SEL1L2: variants seen among roughly 807,000 people sequenced by gnomAD.
SEL1L2 encodes the protein SEL1L2 adaptor subunit of SYVN1 ubiquitin ligase, also known as protein sel-1 homolog 2.
A neutral mutation model predicts 98.8 loss-of-function variants in SEL1L2; 89 were observed. The ratio of observed to expected loss-of-function variants is 0.90; its 90% confidence interval spans 0.76 to 1.07. The LOEUF is 1.07. Among genes scored for constraint, SEL1L2 ranks in the 50% least tolerant of loss-of-function variants. The probability of loss-of-function intolerance (pLI) is 0.00; values close to 1 mark genes in which losing one functional copy is unlikely to be tolerated. For synonymous variants in SEL1L2, 262 were observed against 278.5 expected, an observed-to-expected ratio of 0.94 and a Z score of 0.59; for missense variants, 788 against 812.0, an observed-to-expected ratio of 0.97 and a Z score of 0.36.
Position 13,887,848 on chromosome 20 carries a change from C to T in SEL1L2, c.666G>A (p.Gly222=), listed in dbSNP as rs778811569. 3 of 1,612,344 alleles carry T rather than the reference C, an allele frequency of 1.9e-6. No individual in the cohort carries two copies. The highest frequency in any genetic ancestry group is 2.5e-6 in the Non-Finnish European group (3 of 1,178,608). The change falls in exon 8 of 20, where the codon GGG becomes GGA. Residue 222 remains glycine (G), a splice_region_variant and synonymous_variant. Coordinates refer to ENST00000284951, the MANE Select transcript of SEL1L2 (RefSeq NM_025229.2). ...GGNMMSQMIL[G]YRYLSGINVL... is the part of the protein sequence containing the mutation. ...CATTGATTCCCGACAAATATCTGTA[C>T]CCCTAAAACACAGACAGATGCATTC...
intron 4 of SEL1L2, among the ~76,000 whole-genome samples, chr20:13,917,660 C>T (rs1223397143): frequency 6.6e-6 from 1 of 152,094 alleles, no homozygotes; most frequent in Admixed American, 6.6e-5. Context: ...TGTTGCTGCC[C>T]TGTCTGGTGC....
At chr20:13,919,614 G>A (rs1030918179) in intron 3 of SEL1L2, among the ~76,000 whole-genome samples, 21 of 152,062 alleles carry the variant, frequency 1.4e-4, no homozygotes, top group African/African-American at 4.8e-4. Flanking sequence ...AGAGGAGGAG[G>A]GAATTGCTTT....
At chr20:13,968,214 TA>T (rs1308306281) in intron 1 of SEL1L2, among the ~76,000 whole-genome samples, 1 of 152,248 alleles carries the variant, frequency 6.6e-6, no homozygotes, top group East Asian at 1.9e-4. Flanking sequence ...TTCCGTTACT[TA>T]TTTTAATTTT....
chr20:13,879,814 C>T (rs151125519), intron 10 of SEL1L2, among the ~76,000 whole-genome samples: 114 of 152,220 alleles, frequency 7.5e-4, no homozygotes, highest in African/African-American at 2.5e-3. Flanking sequence ...TGAGAGAACA[C>T]TAATATCAAA....
chr20:13,975,400 A>C (rs1454969048), intron 1 of SEL1L2, among the ~76,000 whole-genome samples: 1 of 152,208 alleles, frequency 6.6e-6, no homozygotes, highest in East Asian at 1.9e-4. Flanking sequence ...AGGCAAGTAA[A>C]TATGATTGTG....
At chr20:13,889,019 T>C (rs1321384573) in intron 5 of SEL1L2, among the ~76,000 whole-genome samples, 1 of 150,766 alleles carries the variant, frequency 6.6e-6, no homozygotes, top group African/African-American at 2.4e-5. Context: ...AGTGCAATGG[T>C]GCAGTCTCAG....
chr20:13,884,805 C>T (rs2046876985), intron 10 of SEL1L2, among the ~76,000 whole-genome samples: 1 of 152,126 alleles, frequency 6.6e-6, no homozygotes, highest in East Asian at 1.9e-4. Context: ...CCGTACCTGG[C>T]CGGTTAATTA....
At chr20:13,949,775 C>T (rs2050185771) in intron 2 of SEL1L2, among the ~76,000 whole-genome samples, 1 of 150,832 alleles carries the variant, frequency 6.6e-6, no homozygotes, top group African/African-American at 2.4e-5. Flanking sequence ...AATGGTGCAG[C>T]CACTGTGGAA....
intron 5 of SEL1L2, 123 bp from the exon 6 acceptor site, chr20:13,888,635 C>CTCTT (rs748559073): frequency 9.7e-6 from 2 of 206,472 alleles, no homozygotes; most frequent in African/African-American, 4.0e-5. Flanking sequence ...CTTTCTTTCT[C>CTCTT]TTTTTTTTTT....
At chr20:13,994,628 T>C (rs1001394252), upstream of SEL1L2, among the ~76,000 whole-genome samples, 2 of 152,304 alleles carry the variant, frequency 1.3e-5, no homozygotes, top group East Asian at 1.9e-4. Flanking sequence ...ACCCTACTCA[T>C]GTGGCGGACT....
At chr20:13,990,789 G>T (rs2052508780), upstream of SEL1L2, among the ~76,000 whole-genome samples, 1 of 152,204 alleles carries the variant, frequency 6.6e-6, no homozygotes, top group South Asian at 2.1e-4. Flanking sequence ...GAAATTAGGG[G>T]TGGCTCTCTA....
At chr20:13,935,434 G>T (rs760229461) in intron 2 of SEL1L2, among the ~76,000 whole-genome samples, 1 of 152,170 alleles carries the variant, frequency 6.6e-6, no homozygotes, top group Non-Finnish European at 1.5e-5. Context: ...AGTGATAAAA[G>T]TTAGTGTTAT....
At chr20:13,954,261 A>G (rs1036516600) in intron 2 of SEL1L2, among the ~76,000 whole-genome samples, 1 of 152,202 alleles carries the variant, frequency 6.6e-6, no homozygotes, top group Non-Finnish European at 1.5e-5. Flanking sequence ...CATTGGGGGT[A>G]GAGATGGAGA....
At chr20:13,854,211 G>T (rs1703540429) in intron 18 of SEL1L2, among the ~76,000 whole-genome samples, 1 of 152,082 alleles carries the variant, frequency 6.6e-6, no homozygotes, top group South Asian at 2.1e-4. Flanking sequence ...ATGTGGTTTT[G>T]TTTTCTCTGC....
chr20:13,870,004 A>G, intron 13 of SEL1L2, 137 bp downstream of exon 13: 1 of 622,890 alleles, frequency 1.6e-6, no homozygotes, highest in South Asian at 2.3e-5. Flanking sequence ...TCACTGGATT[A>G]TTTTATTCTC....
chr20:13,878,858 AATAT>A (rs773380674), intron 10 of SEL1L2, among the ~76,000 whole-genome samples: 2 of 152,212 alleles, frequency 1.3e-5, no homozygotes, highest in African/African-American at 4.8e-5. Flanking sequence ...TGAGAAAGAA[AATAT>A]ATATAAACAG....
In SEL1L2 at chr20:13,913,798, G is replaced by T; in HGVS notation, c.533C>A (p.Ser178Ter). The change falls in exon 5 of 20, where the codon TCA becomes TAA. Residue 178 changes from serine (S) to a stop codon, truncating the protein, a stop_gained. Coordinates refer to ENST00000284951, the MANE Select transcript of SEL1L2 (RefSeq NM_025229.2). LOFTEE classifies it high-confidence loss of function. ...AAAACTCACGTTTTGGGCTTTACAT[G>T]ATCCTTCTTTAGCCAAGGACTCATA... ...QLYESLAKEG[S>*]CKAQNALGFL... 6.6e-7 allele frequency: 1 copy of T among 1,526,034 alleles called. No individual in the cohort carries two copies. Among genetic ancestry groups the T allele is most frequent in the Non-Finnish European group, 8.7e-7 (1 of 1,148,914 alleles). The allele number at this position is 1,526,034 out of a possible 1,614,324, so 94.5% of individuals were successfully genotyped here.
At chr20:13,939,040 G>GTTTTGTTTTGTTTTTTTTTTTTTTTTTT (rs2049605907) in intron 2 of SEL1L2, among the ~76,000 whole-genome samples, 1 of 114,072 alleles carries the variant, frequency 8.8e-6, no homozygotes, top group African/African-American at 3.5e-5. Context: ...TGCTTGTTTT[G>GTTTTGTTTTGTTTTTTTTTTTTTTTTTT]TTTTTTTTTT....
At chr20:13,873,698 G>A (rs1459821391) in intron 12 of SEL1L2, among the ~76,000 whole-genome samples, 1 of 152,180 alleles carries the variant, frequency 6.6e-6, no homozygotes, top group African/African-American at 2.4e-5. Context: ...GGCCAGAAAA[G>A]CCATATGTAT....
Sources: allele counts gnomAD v4.1 joint callset (sites outside exome capture counted in the v4.1 genomes callset), GRCh38; gene constraint gnomAD v4.1.1; transcripts MANE v1.5; gene names NCBI Gene and HGNC (gene_info 2026-07-23, HGNC 2026-07-21).